Variants in ARHGAP25 observed in about 807,000 individuals in gnomAD.
The protein encoded by ARHGAP25 is rho GTPase-activating protein 25.
Under a neutral mutation model 71.0 loss-of-function variants are expected in ARHGAP25, and 34 were observed. The observed-to-expected ratio is 0.48, with a 90% CI of 0.36 to 0.64. The LOEUF (loss-of-function observed/expected upper bound fraction) is 0.64. Ranked by LOEUF, ARHGAP25 falls within the 30% of genes least tolerant of loss-of-function variation. ARHGAP25 has a pLI of 0.00. For synonymous variants in ARHGAP25, 282 were observed against 296.5 expected (o/e 0.95, Z 0.50); for missense variants, 706 against 805.1 (o/e 0.88, Z 1.49).
At chr2:68,798,182 T>C (rs1003404676) in intron 4 of ARHGAP25, among the ~76,000 whole-genome samples, 3 of 152,230 alleles carry the variant, frequency 2.0e-5, no homozygotes, top group African/African-American at 7.2e-5. Context: ...AATTGTTATA[T>C]ACCTTGGATT....
chr2:68,785,314 C>T (rs1424677897), intron 3 of ARHGAP25, among the ~76,000 whole-genome samples: 2 of 152,110 alleles, frequency 1.3e-5, no homozygotes, highest in Admixed American at 6.5e-5. Context: ...AAGGGCAGAA[C>T]AAGGAGATCA....
rs138750713 is a variant in ARHGAP25, at chr2:68,807,260, G to T, written c.467-13G>T. ...ACAGAATGACGGGCAGGTTCTGTTTGCTCTCTCCTCAGCAGTGTTTGGCCA... is the reference window on the plus strand; with the variant it reads ...ACAGAATGACGGGCAGGTTCTGTTTTCTCTCTCCTCAGCAGTGTTTGGCCA... On this transcript the variant is annotated splice_polypyrimidine_tract_variant and intron_variant, in intron 4 of 10. Transcript: ENST00000409202. The T allele has an allele frequency of 7.1e-5, 114 of 1,614,078 alleles. No individual in the cohort carries two copies. The African/African-American group carries it at 1.2e-3, about 17-fold the overall frequency.
At position 68,783,384 on chromosome 2, in the gene ARHGAP25, T is replaced by C. The variant is rs553470263; in HGVS notation, c.349+1064T>C. Among the ~76,000 whole-genome samples, 7 of 152,334 alleles carry C rather than the reference T, an allele frequency of 4.6e-5. No individual in the cohort carries two copies. The South Asian group carries it at 1.2e-3, about 27-fold the overall frequency. On this transcript the variant is annotated intron_variant, in intron 3 of 10. Coordinates refer to ENST00000409202, the MANE Select transcript of ARHGAP25 (RefSeq NM_001007231.3). The stretch of plus-strand genomic sequence containing the variant: ...AGAAAAAAAATCCTAAACTTGGCTA[T>C]GACTGTTTATAGAATACAAATTTAC...
chr2:68,777,326 T>G (rs1211511277), intron 2 of ARHGAP25, among the ~76,000 whole-genome samples: 1 of 152,226 alleles, frequency 6.6e-6, no homozygotes. Flanking sequence ...TCCACCACTA[T>G]TTGGCCCTGT....
In ARHGAP25 at chr2:68,817,902, C is replaced by A. The variant is rs1681347625; in HGVS notation, c.911C>A (p.Ala304Asp). 1.2e-6 allele frequency: 2 copies of A among 1,613,992 alleles called. No homozygotes were observed. Among genetic ancestry groups the A allele is most frequent in the Middle Eastern group, 1.7e-4 (1 of 6,060 alleles). Residue 304 changes from alanine (A) to aspartate (D), a missense_variant, in exon 8 of 11, where the codon GCT (alanine) becomes GAT (aspartate). Ala to Asp is a moderately radical substitution (Grantham distance 126, BLOSUM62 -2). Coordinates refer to ENST00000409202, the MANE Select transcript of ARHGAP25 (RefSeq NM_001007231.3). ...RFLHEIQLNCAVNKMSVDNLA... is the reference protein window; with the variant it reads ...RFLHEIQLNCDVNKMSVDNLA... ...CTACATGAAATACAGCTGAACTGTGCTGTTAACAAGATGAGTGTGGACAAC... is the reference window on the plus strand; with the variant it reads ...CTACATGAAATACAGCTGAACTGTGATGTTAACAAGATGAGTGTGGACAAC...
At chr2:68,755,979 A>G (rs1676458847) in intron 1 of ARHGAP25, among the ~76,000 whole-genome samples, 1 of 152,202 alleles carries the variant, frequency 6.6e-6, no homozygotes, top group Admixed American at 6.5e-5. Context: ...TATACCCTTA[A>G]AATATAGCTC....
chr2:68,813,551 A>C (rs1680987847), intron 6 of ARHGAP25, 132 bp downstream of exon 6: 1 of 984,752 alleles, frequency 1.0e-6, no homozygotes, highest in African/African-American at 1.7e-5. Context: ...CTTCCTCAGC[A>C]ACAAAAGGTA....
At chr2:68,798,339 T>C (rs1679723728) in intron 4 of ARHGAP25, among the ~76,000 whole-genome samples, 1 of 152,218 alleles carries the variant, frequency 6.6e-6, no homozygotes, top group African/African-American at 2.4e-5. Context: ...GATATTAAAA[T>C]AGATGATATT....
chr2:68,803,420 TG>T (rs1680151884), intron 4 of ARHGAP25, among the ~76,000 whole-genome samples: 1 of 152,046 alleles, frequency 6.6e-6, no homozygotes, highest in Non-Finnish European at 1.5e-5. Context: ...CAGATTGTGA[TG>T]GGTTGAGAGG....
At chr2:68,798,280 G>A (rs6752802) in intron 4 of ARHGAP25, among the ~76,000 whole-genome samples, 3,827 of 152,252 alleles carry the variant, frequency 0.025, 168 homozygotes, top group African/African-American at 0.088. Flanking sequence ...GGAGGGGTGT[G>A]CAATCATTGT....
intron 2 of ARHGAP25, among the ~76,000 whole-genome samples, chr2:68,724,629 A>C (rs902395536): frequency 6.6e-6 from 1 of 152,198 alleles, no homozygotes; most frequent in African/African-American, 2.4e-5. Flanking sequence ...TCTGCCCTAA[A>C]CACCAGACTC....
intron 9 of ARHGAP25, among the ~76,000 whole-genome samples, chr2:68,820,326 T>C (rs2103709399): frequency 6.6e-6 from 1 of 152,272 alleles, no homozygotes; most frequent in South Asian, 2.1e-4. Context: ...TACATAACAT[T>C]GTAGGGCAGA....
intron 2 of ARHGAP25, among the ~76,000 whole-genome samples, chr2:68,779,936 T>G (rs780792651): frequency 4.6e-5 from 7 of 152,272 alleles, no homozygotes; most frequent in African/African-American, 7.2e-5. Context: ...TACACCTTGG[T>G]GTGAACATGT....
At chr2:68,757,075 A>C (rs1374749438) in intron 1 of ARHGAP25, among the ~76,000 whole-genome samples, 15 of 152,198 alleles carry the variant, frequency 9.9e-5, no homozygotes, top group Admixed American at 9.8e-4. Flanking sequence ...GGCAGAAGAA[A>C]GAATCAACAA....
chr2:68,806,370 A>G (rs551815135), intron 4 of ARHGAP25, among the ~76,000 whole-genome samples: 112 of 152,332 alleles, frequency 7.4e-4, no homozygotes, highest in African/African-American at 2.6e-3. Context: ...TTTAAATGCC[A>G]CAGTGGTTTA....
intron 2 of ARHGAP25, among the ~76,000 whole-genome samples, chr2:68,720,449 A>G (rs1159524883): frequency 6.6e-6 from 1 of 152,102 alleles, no homozygotes; most frequent in Non-Finnish European, 1.5e-5. Context: ...AGCCATAATC[A>G]CTTTGTTGTT....
intron 5 of ARHGAP25, among the ~76,000 whole-genome samples, chr2:68,811,931 G>C (rs1280323832): frequency 1.3e-5 from 2 of 152,130 alleles, no homozygotes; most frequent in Non-Finnish European, 2.9e-5. Context: ...TGCTACCAGG[G>C]CTGCTACCTA....
chr2:68,745,954 C>T (rs1675786541), intron 1 of ARHGAP25, among the ~76,000 whole-genome samples: 2 of 152,294 alleles, frequency 1.3e-5, no homozygotes, highest in South Asian at 2.1e-4. Flanking sequence ...GGTGAACCCA[C>T]TCCTTCAAGC....
chr2:68,749,408 G>A (rs576778849), intron 1 of ARHGAP25, among the ~76,000 whole-genome samples: 30 of 152,260 alleles, frequency 2.0e-4, no homozygotes, highest in African/African-American at 7.0e-4. Context: ...TGCACCGTCA[G>A]TCCTGTCCAC....
Sources: gnomAD v4.1 joint callset for allele counts (sites outside exome capture counted in the v4.1 genomes callset) on GRCh38, gnomAD v4.1.1 for gene constraint, MANE v1.5 for transcripts, NCBI Gene and HGNC (gene_info 2026-07-23, HGNC 2026-07-21) for gene names.